Variants in SLCO4A1 observed in about 807,000 individuals in gnomAD.
SLCO4A1 encodes the protein solute carrier organic anion transporter family member 4A1.
SLCO4A1 carries 51 observed loss-of-function variants against 64.6 expected under a neutral mutation model. That is an observed-to-expected ratio of 0.79 (90% CI 0.63 to 1.00). The LOEUF (loss-of-function observed/expected upper bound fraction) is 1.00. Ranked by LOEUF, SLCO4A1 falls within the 50% of genes least tolerant of loss-of-function variation. SLCO4A1 has a pLI of 0.00. For synonymous variants in SLCO4A1, 471 were observed against 444.9 expected (o/e 1.06, Z -0.74); for missense variants, 919 against 980.5 (o/e 0.94, Z 0.84).
downstream of SLCO4A1, among the ~76,000 whole-genome samples, chr20:62,673,164 T>G (rs1987401828): frequency 1.5e-5 from 2 of 134,868 alleles, no homozygotes; most frequent in Non-Finnish European, 1.7e-5. Context: ...GGGAGGGGCA[T>G]GGGGGGGGCA....
chr20:62,647,252 G>C, intron 1 of SLCO4A1, among the ~76,000 whole-genome samples: 1 of 152,226 alleles, frequency 6.6e-6, no homozygotes, highest in Non-Finnish European at 1.5e-5. Context: ...GTCTTGGGGG[G>C]CTGGTGTGGC....
downstream of SLCO4A1, among the ~76,000 whole-genome samples, chr20:62,672,815 G>A (rs576565869): frequency 3.4e-4 from 52 of 152,174 alleles, no homozygotes; most frequent in African/African-American, 1.2e-3. Context: ...TCTGCCATCC[G>A]GAGCTCCTTA....
intron 2 of SLCO4A1, among the ~76,000 whole-genome samples, chr20:62,681,851 T>A (rs993609266): frequency 1.3e-5 from 2 of 151,626 alleles, no homozygotes; most frequent in Non-Finnish European, 2.9e-5. Flanking sequence ...CTTTAATAAA[T>A]ACAGGACTAT....
chr20:62,657,460 C>G (rs1983958380), intron 2 of SLCO4A1, among the ~76,000 whole-genome samples: 1 of 152,238 alleles, frequency 6.6e-6, no homozygotes, highest in Non-Finnish European at 1.5e-5. Flanking sequence ...CTCATGTGGA[C>G]CCTGCTCAGG....
At position 62,644,228 on chromosome 20, in the gene SLCO4A1, G is replaced by C. The variant is rs1013598929; in HGVS notation, c.-97+1675G>C. ...GCTGGAGGGAGCCAGGGCAGAGGCC[G>C]GCCACTCGGTGAGACCTGGACGCTG... On this transcript the variant is annotated intron_variant, in intron 1 of 11. Coordinates refer to ENST00000217159, the MANE Select transcript of SLCO4A1 (RefSeq NM_016354.4). This position sits in a 1 kb window ranked among gnomAD's most constrained non-coding sequence, Gnocchi z 5.4. Among the ~76,000 whole-genome samples the C allele has an allele frequency of 2.6e-5, 4 of 152,230 alleles. No homozygotes were observed. The highest frequency in any genetic ancestry group is 9.6e-5 in the African/African-American group (4 of 41,464).
At chr20:62,646,420 C>T (rs1303539746) in intron 1 of SLCO4A1, among the ~76,000 whole-genome samples, 4 of 152,354 alleles carry the variant, frequency 2.6e-5, no homozygotes, top group East Asian at 3.9e-4. Flanking sequence ...GTGAACACCA[C>T]GGGTCTGTAA....
intron 2 of SLCO4A1, among the ~76,000 whole-genome samples, chr20:62,678,455 A>G (rs1050543463): frequency 2.6e-5 from 4 of 152,108 alleles, no homozygotes; most frequent in Non-Finnish European, 5.9e-5. Context: ...CTTATAACAC[A>G]GAAATTCCAC....
chr20:62,661,041 C>CCCCCCCCCCCCCCCACCA lies in SLCO4A1; in HGVS notation c.1010-23_1010-22insCCCCCCCCCCCCCCACCA. 3.5e-6 allele frequency: 5 copies of CCCCCCCCCCCCCCCACCA among 1,424,140 alleles called. No homozygotes were observed. The highest frequency in any genetic ancestry group is 4.9e-6 in the Non-Finnish European group (5 of 1,010,138). The allele number at this position is 1,424,140 out of a possible 1,614,324, so 88.2% of individuals were successfully genotyped here. A position where few individuals can be genotyped will look rare whatever the true frequency, so the allele number is the denominator to read the frequency against. On this transcript the variant is annotated intron_variant, in intron 4 of 11. Coordinates refer to ENST00000217159, the MANE Select transcript of SLCO4A1 (RefSeq NM_016354.4). This position sits in a 1 kb window ranked among gnomAD's most constrained non-coding sequence, Gnocchi z 5.2. ...TCCGGGAGCCCCCAGCCCCCAGCCCCAGCTCACTCTGTGCCCTTCCAGGCT... is the reference window on the plus strand; with the variant it reads ...TCCGGGAGCCCCCAGCCCCCAGCCCCCCCCCCCCCCCCCCACCAAGCTCACTCTGTGCCCTTCCAGGCT...
chr20:62,653,517 C>A (rs1211343363), intron 1 of SLCO4A1, among the ~76,000 whole-genome samples: 2 of 152,262 alleles, frequency 1.3e-5, no homozygotes, highest in Non-Finnish European at 2.9e-5. Flanking sequence ...TCAGCATAGG[C>A]CTGTCCCGGG....
chr20:62,661,289 T>TGGGC lies in SLCO4A1; in HGVS notation c.1121+114_1121+115insGGGC. 1.4e-6 allele frequency: 1 copy of TGGGC among 739,652 alleles called. No homozygotes were observed. The highest frequency in any genetic ancestry group is 1.5e-5 in the South Asian group (1 of 64,566). The allele number at this position is 739,652 out of a possible 1,614,324, so 45.8% of individuals were successfully genotyped here. ...CATGATGGGGACGCAGCCCCTAACC[T>TGGGC]CTGTCGTGACCCTGGGCCAAGAGAT... On this transcript the variant is annotated intron_variant, in intron 5 of 11. Coordinates refer to ENST00000217159, the MANE Select transcript of SLCO4A1 (RefSeq NM_016354.4). The surrounding 1 kb of genome is among the most constrained non-coding windows in gnomAD (Gnocchi z 5.2).
At chr20:62,642,994 A>G (rs1204250338) in intron 1 of SLCO4A1, 1 of 469,922 alleles carries the variant, frequency 2.1e-6, no homozygotes, top group Non-Finnish European at 4.4e-6. Flanking sequence ...GCGGAGCTCC[A>G]GAGTTGCGGA....
downstream of SLCO4A1, among the ~76,000 whole-genome samples, chr20:62,686,071 C>T (rs533904293): frequency 2.0e-4 from 31 of 152,276 alleles, no homozygotes; most frequent in African/African-American, 5.8e-4. Flanking sequence ...AGAGCCCCTG[C>T]GTCCATTCCT....
chr20:62,647,902 C>G (rs888214191), intron 1 of SLCO4A1, among the ~76,000 whole-genome samples: 2 of 152,210 alleles, frequency 1.3e-5, no homozygotes, highest in African/African-American at 4.8e-5. Flanking sequence ...TCTAAAAGAC[C>G]CTAGCAGAGG....
downstream of SLCO4A1, among the ~76,000 whole-genome samples, chr20:62,674,147 G>C (rs1437354362): frequency 2.6e-5 from 4 of 152,212 alleles, no homozygotes; most frequent in Non-Finnish European, 5.9e-5. Flanking sequence ...TCAGAGCTAC[G>C]TCCCGTGGTC....
intron 1 of SLCO4A1, among the ~76,000 whole-genome samples, chr20:62,648,731 C>T (rs143713558): frequency 4.6e-5 from 7 of 152,062 alleles, no homozygotes; most frequent in African/African-American, 1.7e-4. Context: ...GCTGTCAGAG[C>T]CTCCTCCCTA....
rs1463759208 is a variant in SLCO4A1 at position 62,666,551 on chromosome 20, G to A, written c.1448G>A (p.Gly483Asp). The A allele has an allele frequency of 2.5e-6, 4 of 1,612,880 alleles. No homozygotes were observed. The highest frequency in any genetic ancestry group is 1.7e-5 in the Admixed American group (1 of 60,034). Residue 483 changes from glycine (G) to aspartate (D), a missense_variant, in exon 7 of 12, where the codon GGC (glycine) becomes GAC (aspartate). By Grantham distance (94) the Gly-to-Asp change is moderately conservative. Coordinates refer to ENST00000217159, the MANE Select transcript of SLCO4A1 (RefSeq NM_016354.4). ...CACTGCCCCAGTGTGCCCATGGCGG[G>A]CGTCACAGCCAGCTACGGCGGGAGG... ...SLHCPSVPMAGVTASYGGSLL... is the reference protein window; with the variant it reads ...SLHCPSVPMADVTASYGGSLL...
In SLCO4A1 at chr20:62,681,536, T is replaced by TTG. The variant is rs1204226440; in HGVS notation, n.212-3905_212-3904insTG. On this transcript the variant is annotated intron_variant and non_coding_transcript_variant, in intron 2 of 2. Coordinates refer to the SLCO4A1 transcript ENST00000466818. ...TGTTTATTAAGCCGTGTGTACACAC[T>TTG]CGTGTGTGTATTAAACCGTGTGTAC... is the stretch of plus-strand genomic sequence containing the variant. Among the ~76,000 whole-genome samples, 24 of 61,160 alleles carry TTG rather than the reference T, an allele frequency of 3.9e-4. 1 individual carries two copies. The highest frequency in any genetic ancestry group is 1.4e-3 in the Admixed American group (7 of 5,172). The allele number at this position is 61,160 out of a possible 152,430, so 40.1% of individuals were successfully genotyped here. A position where few individuals can be genotyped will look rare whatever the true frequency, so the allele number is the denominator to read the frequency against.
chr20:62,652,781 C>T (rs1009058657), intron 1 of SLCO4A1, among the ~76,000 whole-genome samples: 9 of 152,236 alleles, frequency 5.9e-5, no homozygotes, highest in African/African-American at 2.2e-4. Flanking sequence ...AGGCCCCAGG[C>T]ATGAATGCTG....
intron 3 of SLCO4A1, among the ~76,000 whole-genome samples, chr20:62,659,931 C>T (rs1984454878): frequency 1.3e-5 from 2 of 152,374 alleles, no homozygotes; most frequent in South Asian, 4.1e-4. Flanking sequence ...TTATTTTCCA[C>T]TCGCCTTTTC....
Sources: gnomAD v4.1 joint callset for allele counts (sites outside exome capture counted in the v4.1 genomes callset) on GRCh38, gnomAD v4.1.1 for gene constraint, Gnocchi (gnomAD v3.1) non-coding constraint, MANE v1.5 for transcripts, NCBI Gene and HGNC (gene_info 2026-07-23, HGNC 2026-07-21) for gene names.